Variants in SPOCK3 observed in about 807,000 individuals in gnomAD.
SPOCK3 encodes testican-3.
In SPOCK3, 30 loss-of-function variants were observed where a neutral mutation model predicts 56.6. That is an observed-to-expected ratio of 0.53 (90% CI 0.40 to 0.72). The LOEUF is 0.72. Ranked by LOEUF, SPOCK3 falls within the 30% of genes least tolerant of loss-of-function variation. SPOCK3 has a pLI of 0.00. For missense variants in SPOCK3, 527 were observed against 530.0 expected, an observed-to-expected ratio of 0.99 and a Z score of 0.06; for synonymous variants, 196 against 183.3, an observed-to-expected ratio of 1.07 and a Z score of -0.56.
At chr4:166,864,544 A>G (rs1731584388) in intron 6 of SPOCK3, among the ~76,000 whole-genome samples, 1 of 152,192 alleles carries the variant, frequency 6.6e-6, no homozygotes, top group African/African-American at 2.4e-5. Context: ...AGCAAGAATA[A>G]TAAAGAAGAA....
chr4:167,039,422 C>T (rs1047222039), intron 3 of SPOCK3, among the ~76,000 whole-genome samples: 22 of 152,236 alleles, frequency 1.4e-4, no homozygotes, highest in African/African-American at 4.6e-4. Flanking sequence ...GACAATAACA[C>T]TTAAAATCAA....
chr4:167,128,931 G>A (rs1762497329), intron 2 of SPOCK3, among the ~76,000 whole-genome samples: 1 of 152,090 alleles, frequency 6.6e-6, no homozygotes, highest in Admixed American at 6.5e-5. Context: ...GGGCACCTGG[G>A]CCATTTCCAA....
At chr4:166,984,418 T>G (rs550127991) in intron 4 of SPOCK3, among the ~76,000 whole-genome samples, 73 of 152,238 alleles carry the variant, frequency 4.8e-4, no homozygotes, top group African/African-American at 1.7e-3. Flanking sequence ...CTCTTGTAGC[T>G]GAAAAATTTA....
At chr4:166,850,389 AT>A (rs1163065484) in intron 6 of SPOCK3, among the ~76,000 whole-genome samples, 1 of 152,214 alleles carries the variant, frequency 6.6e-6, no homozygotes, top group Non-Finnish European at 1.5e-5. Context: ...TATGCAATAA[AT>A]TTGTGATATA....
At position 167,000,351 on chromosome 4, in the gene SPOCK3, G is replaced by T. The variant is rs1172220212; in HGVS notation, c.348C>A (p.His116Gln). 6.6e-7 allele frequency: 1 copy of T among 1,508,914 alleles called. No individual in the cohort carries two copies. Among genetic ancestry groups the T allele is most frequent in the Non-Finnish European group, 9.1e-7 (1 of 1,096,060 alleles). The allele number at this position is 1,508,914 out of a possible 1,614,324, so 93.5% of individuals were successfully genotyped here. A position where few individuals can be genotyped will look rare whatever the true frequency, so the allele number is the denominator to read the frequency against. The change falls in exon 4 of 11, where the codon CAC (histidine) becomes CAA (glutamine). Residue 116 changes from histidine (H) to glutamine (Q), a missense_variant and splice_region_variant. Transcript: ENST00000357545. Reference sequence around the variant, plus strand: ...GGATTAAATTTAACAATGTTTACCTGTGTGTAAGCCTCCGGTGACTAATGC... The same window carrying T: ...GGATTAAATTTAACAATGTTTACCTTTGTGTAAGCCTCCGGTGACTAATGC... Reference protein sequence around the residue: ...AVCISHRRLTHRMKEAGVDHR... With the variant: ...AVCISHRRLTQRMKEAGVDHR...
rs1279038321 is a variant in SPOCK3, at chr4:167,116,911, G to GTATATATATA, written c.190-54375_190-54374insTATATATATA. On this transcript the variant is annotated intron_variant, in intron 2 of 10. Transcript: ENST00000357545. ...TACATATATACTTTTGTGTGTGTGT[G>GTATATATATA]TGTATATATATATATATATATACTT... 4.5e-3 allele frequency among the ~76,000 whole-genome samples: 524 copies of GTATATATATA among 115,352 alleles called. 3 individuals are homozygous for GTATATATATA. The highest frequency in any genetic ancestry group is 0.019 in the Middle Eastern group (3 of 162). The allele number at this position is 115,352 out of a possible 152,430, so 75.7% of individuals were successfully genotyped here. A position where few individuals can be genotyped will look rare whatever the true frequency, so the allele number is the denominator to read the frequency against.
At chr4:166,955,694 G>C (rs981908941) in intron 4 of SPOCK3, among the ~76,000 whole-genome samples, 2 of 146,418 alleles carry the variant, frequency 1.4e-5, no homozygotes, top group Non-Finnish European at 3.0e-5. Flanking sequence ...TATTAATAAA[G>C]TTTTCTTTTA....
intron 6 of SPOCK3, among the ~76,000 whole-genome samples, chr4:166,831,920 G>A (rs6845116): frequency 0.36 from 54,450 of 151,234 alleles, 12,293 homozygotes; most frequent in South Asian, 0.53. Context: ...CATGCTTTTT[G>A]TCTTCTTTTT....
chr4:166,837,130 A>G (rs982777747), intron 6 of SPOCK3, among the ~76,000 whole-genome samples: 1 of 152,172 alleles, frequency 6.6e-6, no homozygotes. Flanking sequence ...ATCTATAAAA[A>G]GTTGGCAGGA....
At chr4:167,112,856 A>T (rs1561229227) in intron 2 of SPOCK3, among the ~76,000 whole-genome samples, 4 of 152,014 alleles carry the variant, frequency 2.6e-5, no homozygotes. Context: ...TTTAAAAAAA[A>T]AAATCATATA....
intron 2 of SPOCK3, among the ~76,000 whole-genome samples, chr4:167,082,030 AC>A (rs1757752061): frequency 6.6e-6 from 1 of 151,734 alleles, no homozygotes; most frequent in Non-Finnish European, 1.5e-5. Context: ...TACTTAGGGT[AC>A]CCAAGTGAAT....
intron 6 of SPOCK3, among the ~76,000 whole-genome samples, chr4:166,846,093 C>T (rs915253786): frequency 6.6e-6 from 1 of 152,092 alleles, no homozygotes; most frequent in African/African-American, 2.4e-5. Flanking sequence ...GGGCTATAAC[C>T]TCACTAGGAA....
intron 6 of SPOCK3, among the ~76,000 whole-genome samples, chr4:166,880,285 T>C (rs1446584227): frequency 6.6e-6 from 1 of 152,176 alleles, no homozygotes; most frequent in Non-Finnish European, 1.5e-5. Context: ...TCAAGCTCTT[T>C]ATCTCTTTCA....
At chr4:166,771,478 G>A (rs569012707) in intron 7 of SPOCK3, among the ~76,000 whole-genome samples, 1 of 152,030 alleles carries the variant, frequency 6.6e-6, no homozygotes. Context: ...CAAGGTAGTG[G>A]TAGAACACAG....
At chr4:166,786,396 A>C (rs1317838675) in intron 7 of SPOCK3, among the ~76,000 whole-genome samples, 4 of 152,254 alleles carry the variant, frequency 2.6e-5, no homozygotes, top group Admixed American at 6.5e-5. Context: ...AAACAAATGA[A>C]GTTAGAGAGT....
chr4:167,049,348 C>T (rs1753991225), intron 3 of SPOCK3, among the ~76,000 whole-genome samples: 1 of 152,060 alleles, frequency 6.6e-6, no homozygotes, highest in Non-Finnish European at 1.5e-5. Context: ...TGCTTCTCCA[C>T]AAAACAAAGT....
chr4:167,222,999 AATAT>A (rs1318672510), intron 2 of SPOCK3, among the ~76,000 whole-genome samples: 3 of 126,122 alleles, frequency 2.4e-5, no homozygotes, highest in South Asian at 2.3e-4. Context: ...TTTATATATG[AATAT>A]ATATTTTATA....
chr4:167,125,974 A>G (rs1287468508), intron 2 of SPOCK3, among the ~76,000 whole-genome samples: 9 of 152,144 alleles, frequency 5.9e-5, no homozygotes, highest in Non-Finnish European at 1.5e-5. Flanking sequence ...CAAGAGCACA[A>G]TCCAGAAGTT....
intron 2 of SPOCK3, among the ~76,000 whole-genome samples, chr4:167,223,358 T>C (rs574925628): frequency 9.9e-4 from 145 of 146,602 alleles, no homozygotes; most frequent in African/African-American, 3.2e-3. Flanking sequence ...GTATATTATG[T>C]TTATATATAA....
Sources: gnomAD v4.1 joint callset for allele counts (sites outside exome capture counted in the v4.1 genomes callset) on GRCh38, gnomAD v4.1.1 for gene constraint, MANE v1.5 for transcripts, NCBI Gene and HGNC (gene_info 2026-07-23, HGNC 2026-07-21) for gene names.